Variants in MEIS2 observed in about 807,000 individuals in gnomAD.
The protein encoded by MEIS2 is Meis homeobox 2, also known as homeobox protein Meis2.
A neutral mutation model predicts 58.6 loss-of-function variants in MEIS2; 9 were observed. The observed-to-expected ratio is 0.15, with a 90% CI of 0.09 to 0.27. MEIS2 has a LOEUF of 0.27. Ranked by LOEUF, MEIS2 falls within the 10% of genes least tolerant of loss-of-function variation. The probability of loss-of-function intolerance (pLI) is 1.00; values close to 1 mark genes in which losing one functional copy is unlikely to be tolerated. For missense variants in MEIS2, 427 were observed against 635.0 expected, an observed-to-expected ratio of 0.67 and a Z score of 3.52; for synonymous variants, 221 against 228.4, an observed-to-expected ratio of 0.97 and a Z score of 0.29.
chr15:36,938,043 C>G (rs368959393), intron 9 of MEIS2, among the ~76,000 whole-genome samples: 4 of 152,048 alleles, frequency 2.6e-5, no homozygotes, highest in African/African-American at 7.2e-5. Flanking sequence ...AGATTTTAAA[C>G]GATGTTTGAA....
chr15:37,023,909 CTCTTT>C (rs1212220035), intron 8 of MEIS2, among the ~76,000 whole-genome samples: 3 of 79,832 alleles, frequency 3.8e-5, no homozygotes, highest in East Asian at 7.3e-4. Flanking sequence ...CCTTTTCTCT[CTCTTT>C]TTTTTTTTTT....
intron 9 of MEIS2, among the ~76,000 whole-genome samples, chr15:36,911,044 CAA>C (rs1187244002): frequency 2.4e-4 from 20 of 83,264 alleles, no homozygotes; most frequent in African/African-American, 7.4e-4. Context: ...GACTCTGTCT[CAA>C]AAAAAAAAAA....
intron 9 of MEIS2, 177 bp from the exon 10 acceptor site, chr15:36,896,863 C>T (rs1295008418): frequency 5.1e-6 from 3 of 588,306 alleles, no homozygotes; most frequent in East Asian, 2.8e-5. Context: ...TAATCTCCGT[C>T]GTCACTGCGT....
At chr15:37,053,123 T>C (rs532545542) in intron 7 of MEIS2, among the ~76,000 whole-genome samples, 5 of 152,312 alleles carry the variant, frequency 3.3e-5, no homozygotes, top group Admixed American at 1.3e-4. Context: ...GCTTTCTCAG[T>C]AGGTTTATTC....
intron 7 of MEIS2, among the ~76,000 whole-genome samples, chr15:37,056,077 G>A (rs555390335): frequency 1.3e-5 from 2 of 152,144 alleles, no homozygotes; most frequent in East Asian, 1.9e-4. Flanking sequence ...GGATGAGCCC[G>A]AGGAAGAAAA....
chr15:37,065,796 T>C (rs1314830427), intron 7 of MEIS2, among the ~76,000 whole-genome samples: 1 of 152,210 alleles, frequency 6.6e-6, no homozygotes, highest in African/African-American at 2.4e-5. Flanking sequence ...AAATATTCAC[T>C]AACTCTTCAG....
intron 9 of MEIS2, among the ~76,000 whole-genome samples, chr15:36,917,030 C>T (rs1037485362): frequency 2.0e-5 from 3 of 152,256 alleles, no homozygotes; most frequent in Admixed American, 1.3e-4. Context: ...TACACGCATG[C>T]GTGCAAATGA....
chr15:36,896,364 G>A (rs764326915), intron 10 of MEIS2, among the ~76,000 whole-genome samples: 1 of 152,120 alleles, frequency 6.6e-6, no homozygotes, highest in Non-Finnish European at 1.5e-5. Context: ...TCACAAACAC[G>A]CTGCTTGTGG....
At chr15:36,967,421 C>T (rs1400511106) in intron 8 of MEIS2, among the ~76,000 whole-genome samples, 2 of 152,078 alleles carry the variant, frequency 1.3e-5, no homozygotes, top group East Asian at 1.9e-4. Context: ...CCAAGAACAC[C>T]AGAATGCAGG....
intron 9 of MEIS2, among the ~76,000 whole-genome samples, chr15:36,925,112 G>A (rs528865647): frequency 7.9e-5 from 12 of 151,998 alleles, no homozygotes; most frequent in Admixed American, 6.5e-4. Context: ...TCTTTGTAAG[G>A]GCAGCCCTAG....
chr15:37,036,147 T>C (rs190507842), intron 8 of MEIS2, among the ~76,000 whole-genome samples: 1 of 152,288 alleles, frequency 6.6e-6, no homozygotes, highest in African/African-American at 2.4e-5. Flanking sequence ...TAAAGATAAA[T>C]TGTTACTTTT....
At chr15:37,025,804 AAG>A (rs1360425412) in intron 8 of MEIS2, among the ~76,000 whole-genome samples, 1 of 152,116 alleles carries the variant, frequency 6.6e-6, no homozygotes, top group African/African-American at 2.4e-5. Context: ...ACTGACAACA[AAG>A]GTCATATTAA....
chr15:37,077,689 T>C (rs1347281732), intron 7 of MEIS2, among the ~76,000 whole-genome samples: 1 of 152,040 alleles, frequency 6.6e-6, no homozygotes, highest in Non-Finnish European at 1.5e-5. Context: ...CACACACATT[T>C]GTGGACCATC....
intron 4 of MEIS2, 25 bp downstream of exon 4, chr15:37,095,539 A>G: frequency 1.2e-6 from 2 of 1,614,082 alleles, no homozygotes; most frequent in Non-Finnish European, 1.7e-6. Context: ...AAGGCTGGGG[A>G]AAAACAAGGA....
intron 1 of MEIS2, 181 bp downstream of exon 1, chr15:37,099,274 A>G: frequency 6.8e-7 from 1 of 1,466,786 alleles, no homozygotes; most frequent in Non-Finnish European, 9.0e-7. Flanking sequence ...ACACACTCGC[A>G]CACACGCAGA....
intron 7 of MEIS2, among the ~76,000 whole-genome samples, chr15:37,074,636 T>G (rs1286558703): frequency 6.6e-6 from 1 of 151,646 alleles, no homozygotes; most frequent in East Asian, 1.9e-4. Context: ...AGAGAGAGAG[T>G]AATAAAGGAA....
intron 9 of MEIS2, among the ~76,000 whole-genome samples, chr15:36,924,800 T>A (rs1224689165): frequency 6.6e-6 from 1 of 152,076 alleles, no homozygotes; most frequent in Non-Finnish European, 1.5e-5. Flanking sequence ...GACAAAGAAG[T>A]GGGGTGTCTC....
intron 9 of MEIS2, among the ~76,000 whole-genome samples, chr15:36,905,075 C>T (rs747171362): frequency 8.5e-5 from 13 of 152,090 alleles, no homozygotes; most frequent in Non-Finnish European, 1.9e-4. Context: ...TGGAAACACA[C>T]ACACACAGAG....
At chr15:37,098,222 A>AG in intron 1 of MEIS2, 23 bp from the exon 2 acceptor site, 1 of 1,535,772 alleles carries the variant, frequency 6.5e-7, no homozygotes, top group Non-Finnish European at 8.8e-7. Flanking sequence ...GGGAAGGGGG[A>AG]GGGGGCGCAG....
Sources: allele counts gnomAD v4.1 joint callset (sites outside exome capture counted in the v4.1 genomes callset), GRCh38; gene constraint gnomAD v4.1.1; transcripts MANE v1.5; gene names NCBI Gene and HGNC (gene_info 2026-07-23, HGNC 2026-07-21).